SNTG1: variants seen among roughly 807,000 people sequenced by gnomAD.
The protein encoded by SNTG1 is syntrophin gamma 1, also known as gamma-1-syntrophin.
SNTG1 carries 39 observed loss-of-function variants against 74.7 expected under a neutral mutation model. The ratio of observed to expected loss-of-function variants is 0.52; its 90% CI spans 0.40 to 0.68. The LOEUF (loss-of-function observed/expected upper bound fraction) is 0.68, where lower values mean the gene tolerates loss of function less well. Ranked by LOEUF, SNTG1 falls within the 30% of genes least tolerant of loss-of-function variation. The pLI is 0.00. For synonymous variants in SNTG1, 254 were observed against 217.1 expected (o/e 1.17, Z -1.49); for missense variants, 685 against 609.5 (o/e 1.12, Z -1.30).
intron 1 of SNTG1, among the ~76,000 whole-genome samples, chr8:50,003,533 A>C (rs1001839386): frequency 2.0e-5 from 3 of 152,150 alleles, no homozygotes; most frequent in African/African-American, 7.2e-5. Context: ...ATAGAAGGCA[A>C]TGCATTTTAA....
intron 2 of SNTG1, among the ~76,000 whole-genome samples, chr8:50,274,492 A>C (rs1483380246): frequency 3.9e-5 from 6 of 152,124 alleles, no homozygotes; most frequent in Admixed American, 3.3e-4. Flanking sequence ...CTGTGGAAAA[A>C]TAAAAAAAAA....
intron 17 of SNTG1, among the ~76,000 whole-genome samples, chr8:50,729,961 G>A (rs1429135198): frequency 2.6e-5 from 4 of 152,132 alleles, no homozygotes; most frequent in African/African-American, 9.7e-5. Context: ...CTGGGAGATG[G>A]GAGTGCTAAC....
intron 1 of SNTG1, among the ~76,000 whole-genome samples, chr8:50,031,216 G>A (rs1033174320): frequency 5.3e-5 from 8 of 151,840 alleles, no homozygotes; most frequent in African/African-American, 1.9e-4. Context: ...GTTGGATTCT[G>A]TGATCATTTT....
intron 18 of SNTG1, among the ~76,000 whole-genome samples, chr8:50,777,957 G>C (rs1585769157): frequency 6.6e-6 from 1 of 151,794 alleles, no homozygotes; most frequent in East Asian, 1.9e-4. Flanking sequence ...GCGGTGTTTG[G>C]TTTTTTGTTC....
At chr8:50,296,039 G>T (rs936634918) in intron 2 of SNTG1, among the ~76,000 whole-genome samples, 3 of 152,098 alleles carry the variant, frequency 2.0e-5, no homozygotes, top group African/African-American at 2.4e-5. Flanking sequence ...AAGATTTTTA[G>T]ATTTTAAAAT....
At chr8:49,918,777 C>T (rs1806268686) in intron 1 of SNTG1, among the ~76,000 whole-genome samples, 1 of 151,980 alleles carries the variant, frequency 6.6e-6, no homozygotes, top group African/African-American at 2.4e-5. Flanking sequence ...AAAAACAATT[C>T]TGCAGTTATT....
chr8:50,191,071 T>C (rs896023451), intron 2 of SNTG1, among the ~76,000 whole-genome samples: 2 of 152,164 alleles, frequency 1.3e-5, no homozygotes, highest in East Asian at 3.8e-4. Flanking sequence ...GAATTCTCTA[T>C]TTTCATCAGT....
At chr8:50,018,708 G>C (rs1184687850) in intron 1 of SNTG1, among the ~76,000 whole-genome samples, 2 of 151,866 alleles carry the variant, frequency 1.3e-5, no homozygotes, top group African/African-American at 4.8e-5. Context: ...ACAATGCATA[G>C]AACATAAGAA....
At chr8:50,002,782 T>C (rs1196810182) in intron 1 of SNTG1, among the ~76,000 whole-genome samples, 2 of 152,034 alleles carry the variant, frequency 1.3e-5, no homozygotes, top group Non-Finnish European at 2.9e-5. Flanking sequence ...CATATGCCCA[T>C]ACAAAAACGT....
At chr8:50,526,781 A>C (rs1585577653) in intron 9 of SNTG1, among the ~76,000 whole-genome samples, 1 of 151,872 alleles carries the variant, frequency 6.6e-6, no homozygotes, top group South Asian at 2.1e-4. Flanking sequence ...TTGCCACCAC[A>C]CCAGGCTAAT....
At chr8:50,649,188 G>A (rs2095128996) in intron 13 of SNTG1, among the ~76,000 whole-genome samples, 1 of 152,154 alleles carries the variant, frequency 6.6e-6, no homozygotes, top group Non-Finnish European at 1.5e-5. Flanking sequence ...GAATGCTGCT[G>A]TGAACACTGG....
At chr8:49,940,619 C>T (rs1476199762) in intron 1 of SNTG1, among the ~76,000 whole-genome samples, 1 of 152,142 alleles carries the variant, frequency 6.6e-6, no homozygotes, top group Non-Finnish European at 1.5e-5. Flanking sequence ...TGTACAGTCT[C>T]TTTCACCAAA....
intron 12 of SNTG1, among the ~76,000 whole-genome samples, chr8:50,572,459 T>C (rs1002027626): frequency 2.6e-5 from 4 of 152,100 alleles, no homozygotes; most frequent in African/African-American, 7.2e-5. Context: ...ACAGATAAAA[T>C]TGGATAATTC....
intron 13 of SNTG1, among the ~76,000 whole-genome samples, chr8:50,627,128 C>T (rs180969654): frequency 1.3e-5 from 2 of 152,252 alleles, no homozygotes; most frequent in Admixed American, 6.5e-5. Context: ...CACCTCTCTT[C>T]ATTTTGTTCC....
chr8:50,678,427 C>T (rs1363012540), intron 15 of SNTG1, among the ~76,000 whole-genome samples: 1 of 152,022 alleles, frequency 6.6e-6, no homozygotes, highest in African/African-American at 2.4e-5. Context: ...TTACTATATC[C>T]AGACAAGTCC....
chr8:50,079,612 G>T (rs1013779369), intron 1 of SNTG1, among the ~76,000 whole-genome samples: 2 of 152,086 alleles, frequency 1.3e-5, no homozygotes, highest in African/African-American at 4.8e-5. Context: ...AATTGCTTTT[G>T]AGATTTTAGT....
chr8:50,476,791 T>C (rs557834222), intron 8 of SNTG1, among the ~76,000 whole-genome samples: 27 of 150,904 alleles, frequency 1.8e-4, no homozygotes, highest in African/African-American at 6.6e-4. Context: ...TTTTCTCCAG[T>C]AAAGAGAAAT....
At chr8:50,143,830 A>G (rs554562536) in intron 1 of SNTG1, among the ~76,000 whole-genome samples, 1 of 152,202 alleles carries the variant, frequency 6.6e-6, no homozygotes, top group Non-Finnish European at 1.5e-5. Flanking sequence ...ATTAAGACTG[A>G]CTTCCTAGGT....
At chr8:50,622,324 A>G (rs1177262752) in intron 13 of SNTG1, among the ~76,000 whole-genome samples, 1 of 152,194 alleles carries the variant, frequency 6.6e-6, no homozygotes, top group East Asian at 1.9e-4. Context: ...AAATGATGCT[A>G]ATACCATTTA....
Sources: gnomAD v4.1 joint callset for allele counts (sites outside exome capture counted in the v4.1 genomes callset) on GRCh38, gnomAD v4.1.1 for gene constraint, MANE v1.5 for transcripts, NCBI Gene and HGNC (gene_info 2026-07-23, HGNC 2026-07-21) for gene names.